The following NRG1 variants were observed in gnomAD, a reference collection of about 807,000 sequenced individuals.
NRG1 encodes the protein neuregulin 1, also known as pro-neuregulin-1, membrane-bound isoform.
In NRG1, 18 loss-of-function variants were observed where a neutral mutation model predicts 63.8. The ratio of observed to expected loss-of-function variants is 0.28; its 90% CI spans 0.19 to 0.42. The LOEUF is 0.42. NRG1 is among the 10% of genes least tolerant of loss of function. The pLI is 1.00. For synonymous variants in NRG1, 302 were observed against 301.3 expected (o/e 1.00, Z -0.02); for missense variants, 762 against 814.7 (o/e 0.94, Z 0.79).
chr8:32,209,882 G>A (rs1322850337), intron 1 of NRG1, among the ~76,000 whole-genome samples: 2 of 152,094 alleles, frequency 1.3e-5, no homozygotes, highest in Non-Finnish European at 2.9e-5. Flanking sequence ...AAGCAAGGAA[G>A]CCACCTTCAG....
intron 1 of NRG1, among the ~76,000 whole-genome samples, chr8:32,232,962 C>T (rs376225793): frequency 2.6e-5 from 4 of 152,272 alleles, no homozygotes; most frequent in South Asian, 4.1e-4. Context: ...AATTATATAG[C>T]TAATTCATGG....
At chr8:32,279,904 G>A (rs552316715) in intron 1 of NRG1, among the ~76,000 whole-genome samples, 5 of 152,288 alleles carry the variant, frequency 3.3e-5, no homozygotes, top group East Asian at 3.9e-4. Flanking sequence ...ACTCAGGCAC[G>A]TAGGTAGCTG....
intron 1 of NRG1, among the ~76,000 whole-genome samples, chr8:31,862,892 G>A (rs1421851961): frequency 6.6e-6 from 1 of 152,110 alleles, no homozygotes; most frequent in African/African-American, 2.4e-5. Context: ...ATACTCCATG[G>A]GCACAGGCAT....
chr8:32,046,556 A>G (rs1821031229), intron 1 of NRG1, among the ~76,000 whole-genome samples: 1 of 152,226 alleles, frequency 6.6e-6, no homozygotes, highest in East Asian at 1.9e-4. Flanking sequence ...AATGCCATTC[A>G]ACAGGTGAAT....
rs1212348197 is a variant in NRG1 at position 31,798,237 on chromosome 8, A to G, written c.37+158806A>G. Among the ~76,000 whole-genome samples, 6 of 152,352 alleles carry G rather than the reference A, an allele frequency of 3.9e-5. No individual in the cohort carries two copies. The East Asian group carries it at 5.8e-4, about 15-fold the overall frequency. The stretch of plus-strand genomic sequence containing the variant: ...TCAATATTCGCAACACAGAGAAATG[A>G]TGAATGTTTGAGGTGATAGATACGG... On this transcript the variant is annotated intron_variant, in intron 1 of 10. Transcript: ENST00000519301.
At chr8:32,119,688 G>A (rs2131538243) in intron 1 of NRG1, among the ~76,000 whole-genome samples, 1 of 152,058 alleles carries the variant, frequency 6.6e-6, no homozygotes, top group Admixed American at 6.6e-5. Context: ...TTCCCCTCCA[G>A]CTAGATGAAT....
At chr8:32,408,211 T>C (rs758522425) in intron 1 of NRG1, among the ~76,000 whole-genome samples, 5 of 152,188 alleles carry the variant, frequency 3.3e-5, no homozygotes, top group Non-Finnish European at 7.4e-5. Flanking sequence ...TCTCTATTTA[T>C]AGGAAAATGA....
At chr8:32,753,283 G>T (rs954084162) in intron 7 of NRG1, among the ~76,000 whole-genome samples, 23 of 152,228 alleles carry the variant, frequency 1.5e-4, no homozygotes, top group Admixed American at 7.2e-4. Flanking sequence ...AGGTCCTTAG[G>T]GATCAGAGTC....
chr8:32,478,266 G>GT (rs1295390684), intron 1 of NRG1, among the ~76,000 whole-genome samples: 2 of 151,950 alleles, frequency 1.3e-5, no homozygotes, highest in Non-Finnish European at 2.9e-5. Flanking sequence ...CTTCCATGTG[G>GT]GGGGGCCTTT....
intron 1 of NRG1, among the ~76,000 whole-genome samples, chr8:32,551,567 G>A (rs1036285058): frequency 2.6e-5 from 4 of 152,308 alleles, no homozygotes; most frequent in Admixed American, 2.6e-4. Context: ...TGGCATGAGT[G>A]ACTGATATGC....
At chr8:31,837,991 T>C (rs571813616) in intron 1 of NRG1, among the ~76,000 whole-genome samples, 105 of 152,266 alleles carry the variant, frequency 6.9e-4, no homozygotes, top group African/African-American at 2.4e-3. Flanking sequence ...TTTGGATATA[T>C]ACCCAGTAAT....
At chr8:32,001,205 T>G (rs1005732817) in intron 1 of NRG1, among the ~76,000 whole-genome samples, 5 of 152,074 alleles carry the variant, frequency 3.3e-5, no homozygotes, top group Admixed American at 3.3e-4. Context: ...CATCTCACCT[T>G]GAATTGTAAT....
At chr8:32,044,195 G>T (rs1820556427) in intron 1 of NRG1, among the ~76,000 whole-genome samples, 1 of 151,856 alleles carries the variant, frequency 6.6e-6, no homozygotes, top group South Asian at 2.1e-4. Flanking sequence ...CAAGGAAAAT[G>T]ACTGGGAATA....
chr8:32,714,472 A>G (rs1818655680), intron 5 of NRG1, among the ~76,000 whole-genome samples: 1 of 152,318 alleles, frequency 6.6e-6, no homozygotes, highest in East Asian at 1.9e-4. Flanking sequence ...GACTACTGCT[A>G]TCAATTGATT....
intron 1 of NRG1, among the ~76,000 whole-genome samples, chr8:31,691,314 AAGT>A (rs1002983957): frequency 6.6e-6 from 1 of 152,200 alleles, no homozygotes; most frequent in Non-Finnish European, 1.5e-5. Context: ...ATTAACATAA[AAGT>A]AGATCTGAGG....
At position 31,956,807 on chromosome 8, in the gene NRG1, T is replaced by C. The variant is rs187339997; in HGVS notation, c.37+317376T>C. Among the ~76,000 whole-genome samples, 583 of 152,356 alleles carry C rather than the reference T, an allele frequency of 3.8e-3. 2 individuals carry two copies. Among genetic ancestry groups the C allele is most frequent in the Non-Finnish European group, 6.2e-3 (421 of 68,036 alleles). ...TTTCTATGACATTGGTTGTGTGCCA[T>C]CTGGCTCATGACTTTCCAGCAATTT... On this transcript the variant is annotated intron_variant, in intron 1 of 10. Transcript: ENST00000519301.
intron 1 of NRG1, chr8:32,026,110 C>CCAGGCTGGAGTGCAGCGG (rs1817287682): frequency 6.6e-6 from 1 of 150,902 alleles, no homozygotes; most frequent in Non-Finnish European, 1.5e-5. Flanking sequence ...GCTCTGTCGC[C>CCAGGCTGGAGTGCAGCGG]CAGGCTGGAG....
At position 31,812,839 on chromosome 8, in the gene NRG1, G is replaced by A. The variant is rs565476346; in HGVS notation, c.37+173408G>A. ...AGAGAGCAAAATTTGTCATTAAATT[G>A]GAACTAGCAATTAATTTGTCTATTT... On this transcript the variant is annotated intron_variant, in intron 1 of 10. Transcript: ENST00000519301. Among the ~76,000 whole-genome samples the A allele has an allele frequency of 8.5e-5, 13 of 152,270 alleles. No homozygotes were observed. In the East Asian group the frequency reaches 2.5e-3, roughly 29 times the overall value.
intron 1 of NRG1, among the ~76,000 whole-genome samples, chr8:31,919,738 G>T (rs979815522): frequency 6.6e-6 from 1 of 151,998 alleles, no homozygotes; most frequent in African/African-American, 2.4e-5. Flanking sequence ...AATTAGGAAG[G>T]TGAATAAGAT....
Sources: gnomAD v4.1 joint callset for allele counts (sites outside exome capture counted in the v4.1 genomes callset) on GRCh38, gnomAD v4.1.1 for gene constraint, MANE v1.5 for transcripts, NCBI Gene and HGNC (gene_info 2026-07-23, HGNC 2026-07-21) for gene names.